Variants in PHC3 observed in about 807,000 individuals in gnomAD.
PHC3 encodes polyhomeotic-like protein 3.
Under a neutral mutation model 107.4 loss-of-function variants are expected in PHC3, and 13 were observed. That is an observed-to-expected ratio of 0.12 (90% CI 0.08 to 0.19). The LOEUF (loss-of-function observed/expected upper bound fraction) is 0.19. Among genes scored for constraint, PHC3 ranks in the 10% least tolerant of loss-of-function variants. The pLI, the probability that PHC3 is intolerant of heterozygous loss-of-function variation, is 1.00. For synonymous variants in PHC3, 456 were observed against 427.4 expected (o/e 1.07, Z -0.83); for missense variants, 992 against 1,210.9 (o/e 0.82, Z 2.68).
chr3:170,113,448 A>G lies in PHC3; in HGVS notation c.2265T>C (p.Asn755=), dbSNP rs943114969. 1.2e-5 allele frequency: 19 copies of G among 1,613,204 alleles called. No homozygotes were observed. Among genetic ancestry groups the G allele is most frequent in the Non-Finnish European group, 1.4e-5 (17 of 1,179,470 alleles). ...GTAGCTCTGGCTGAACACACACTGA[A>G]TTTATCACCTGATTATCCAAAAGAG... is the stretch of plus-strand genomic sequence containing the variant. The part of the protein sequence containing the change: ...KRPLLDNQVI[N]SVCVQPELQN... The change falls in exon 11 of 15, where the codon AAT becomes AAC. Residue 755 remains asparagine, a synonymous_variant. Transcript: ENST00000495893.
chr3:170,178,712 T>C, intron 2 of PHC3, 61 bp downstream of exon 2: 1 of 1,554,462 alleles, frequency 6.4e-7, no homozygotes, highest in South Asian at 1.1e-5. Context: ...TAAATCCAGC[T>C]TAAGCAAAAA....
chr3:170,166,764 A>C (rs958001552), intron 4 of PHC3, among the ~76,000 whole-genome samples: 1 of 152,140 alleles, frequency 6.6e-6, no homozygotes, highest in Non-Finnish European at 1.5e-5. Flanking sequence ...TCCTAGGCTC[A>C]AGCAATTCTC....
rs561121516 is a variant in PHC3, at chr3:170,095,165, G to C, written c.*2065C>G. On this transcript the variant is annotated 3_prime_UTR_variant, in exon 15 of 15. Coordinates refer to ENST00000495893, the MANE Select transcript of PHC3 (RefSeq NM_024947.4). ...AAGAAGAGGGAAAAGTCAAGCATAT[G>C]ACAATTCTGTCATGATGATTAACTG... is the stretch of plus-strand genomic sequence containing the variant. 6.6e-6 allele frequency: 1 copy of C among 152,018 alleles called. No individual in the cohort carries two copies. The highest frequency in any genetic ancestry group is 1.5e-5 in the Non-Finnish European group (1 of 67,988). 9.4% of individuals were successfully genotyped at this position (152,018 alleles called of 1,614,324 possible). A position where few individuals can be genotyped will look rare whatever the true frequency, so the allele number is the denominator to read the frequency against.
intron 12 of PHC3, among the ~76,000 whole-genome samples, chr3:170,104,279 A>G (rs907654346): frequency 1.6e-4 from 25 of 152,154 alleles, no homozygotes; most frequent in African/African-American, 5.3e-4. Flanking sequence ...AAAATGAACA[A>G]TGGGAAAGAC....
intron 12 of PHC3, 138 bp downstream of exon 12, chr3:170,106,691 TATA>T: frequency 2.0e-6 from 1 of 490,888 alleles, no homozygotes; most frequent in East Asian, 3.2e-5. Context: ...TATTCTTCTA[TATA>T]ATAATATCTA....
chr3:170,107,445 A>G (rs1716768401), intron 11 of PHC3, among the ~76,000 whole-genome samples: 1 of 152,168 alleles, frequency 6.6e-6, no homozygotes, highest in South Asian at 2.1e-4. Flanking sequence ...CATGCAAAAT[A>G]ATTAACTCTC....
intron 4 of PHC3, among the ~76,000 whole-genome samples, chr3:170,166,609 G>A (rs1282051096): frequency 1.3e-5 from 2 of 151,890 alleles, no homozygotes; most frequent in Non-Finnish European, 2.9e-5. Context: ...AATTATCTAG[G>A]TCATTTTTAA....
In PHC3 at chr3:170,153,595, C is replaced by G. The variant is rs78737240; in HGVS notation, c.415-4351G>C. ...TGGATAACACGGTGAAACCCCATCT[C>G]TACTAAAAATACAAAAAAATAGCCA... On this transcript the variant is annotated intron_variant, in intron 4 of 14. Coordinates refer to ENST00000495893, the MANE Select transcript of PHC3 (RefSeq NM_024947.4). Among the ~76,000 whole-genome samples, 1,460 of 152,114 alleles carry G rather than the reference C, an allele frequency of 9.6e-3. 60 individuals carry two copies. The highest frequency in any genetic ancestry group is 0.058 in the Admixed American group (893 of 15,268).
At chr3:170,137,325 C>T (rs888282691) in intron 6 of PHC3, among the ~76,000 whole-genome samples, 2 of 152,120 alleles carry the variant, frequency 1.3e-5, no homozygotes, top group Non-Finnish European at 2.9e-5. Flanking sequence ...CTGCTACACT[C>T]AGGGCTATAT....
At chr3:170,165,964 G>A (rs1577241008) in intron 4 of PHC3, among the ~76,000 whole-genome samples, 2 of 139,344 alleles carry the variant, frequency 1.4e-5, no homozygotes, top group East Asian at 2.2e-4. Flanking sequence ...GCAACAATGA[G>A]CATACCTAAA....
intron 9 of PHC3, among the ~76,000 whole-genome samples, chr3:170,119,036 T>TAAAAAAAAAAAAAAAAAAAGAA (rs1719638545): frequency 5.5e-5 from 4 of 72,612 alleles, no homozygotes; most frequent in Non-Finnish European, 1.2e-4. Context: ...TATAAAAAGC[T>TAAAAAAAAAAAAAAAAAAAGAA]AAAAAAAAAA....
chr3:170,129,628 T>C (rs1721921752), intron 7 of PHC3, 76 bp from the exon 8 acceptor site: 1 of 1,341,956 alleles, frequency 7.5e-7, no homozygotes, highest in Non-Finnish European at 1.0e-6. Flanking sequence ...AAGGAAAAAG[T>C]GTTCATTATC....
chr3:170,168,272 C>T (rs1482869804), intron 4 of PHC3, among the ~76,000 whole-genome samples: 1 of 152,102 alleles, frequency 6.6e-6, no homozygotes, highest in African/African-American at 2.4e-5. Context: ...AGAAATATTA[C>T]CCATTTATGC....
chr3:170,162,424 G>A (rs1483709975), intron 4 of PHC3, among the ~76,000 whole-genome samples: 2 of 152,076 alleles, frequency 1.3e-5, no homozygotes, highest in African/African-American at 4.8e-5. Context: ...CCAGATGCTT[G>A]AGCCAAAATA....
chr3:170,136,721 G>A (rs1163324007), intron 6 of PHC3, 56 bp from the exon 7 acceptor site: 2 of 1,550,058 alleles, frequency 1.3e-6, no homozygotes, highest in South Asian at 1.2e-5. Flanking sequence ...AATTGATGTG[G>A]TCATCATTAC....
intron 14 of PHC3, among the ~76,000 whole-genome samples, chr3:170,099,500 G>A (rs116353101): frequency 0.01 from 1,584 of 152,226 alleles, 32 homozygotes; most frequent in African/African-American, 0.036. Context: ...CTGAGTTTCT[G>A]ACATTAACAT....
At chr3:170,132,301 G>A (rs150545427) in intron 7 of PHC3, among the ~76,000 whole-genome samples, 7 of 152,302 alleles carry the variant, frequency 4.6e-5, no homozygotes, top group African/African-American at 1.7e-4. Flanking sequence ...TGAAGAAACT[G>A]TGAGTAGTTA....
At chr3:170,152,634 A>G (rs1726194196) in intron 4 of PHC3, among the ~76,000 whole-genome samples, 1 of 150,764 alleles carries the variant, frequency 6.6e-6, no homozygotes, top group South Asian at 2.1e-4. Context: ...CCCACTCCCA[A>G]AATGTTCATG....
rs1002807224 is a variant in PHC3, at chr3:170,128,286, C to T, written c.1788+398G>A. On this transcript the variant is annotated intron_variant, in intron 8 of 14. Coordinates refer to ENST00000495893, the MANE Select transcript of PHC3 (RefSeq NM_024947.4). ...ACTAAAAGGGTTAGGCTAGATAAAC[C>T]ATACGTTTTGAGAACATACAAGCCA... 7.4e-6 allele frequency: 8 copies of T among 1,081,396 alleles called. No individual in the cohort carries two copies. In the African/African-American group the frequency reaches 1.2e-4, roughly 16 times the overall value. 67.0% of individuals were successfully genotyped at this position (1,081,396 alleles called of 1,614,324 possible). A position where few individuals can be genotyped will look rare whatever the true frequency, so the allele number is the denominator to read the frequency against.
Sources: gnomAD v4.1 joint callset for allele counts (sites outside exome capture counted in the v4.1 genomes callset) on GRCh38, gnomAD v4.1.1 for gene constraint, MANE v1.5 for transcripts, NCBI Gene and HGNC (gene_info 2026-07-23, HGNC 2026-07-21) for gene names.